The following TBCK variants were observed in gnomAD, a reference collection of about 807,000 sequenced individuals.
The protein encoded by TBCK is TBC domain-containing protein kinase-like protein.
In TBCK, 99 loss-of-function variants were observed where a neutral mutation model predicts 113.4. That is an observed-to-expected ratio of 0.87 (90% CI 0.74 to 1.03). TBCK has a LOEUF of 1.03. Among genes scored for constraint, TBCK ranks in the 50% least tolerant of loss-of-function variants. TBCK has a pLI of 0.00. For synonymous variants in TBCK, 369 were observed against 370.8 expected (o/e 1.00, Z 0.05); for missense variants, 1,045 against 1,061.3 (o/e 0.98, Z 0.21).
At chr4:106,229,399 A>G (rs1758603969) in intron 19 of TBCK, among the ~76,000 whole-genome samples, 1 of 151,874 alleles carries the variant, frequency 6.6e-6, no homozygotes, top group Middle Eastern at 3.4e-3. Context: ...AAGACTTTAA[A>G]CCATTTTGAT....
intron 25 of TBCK, among the ~76,000 whole-genome samples, chr4:106,085,141 C>A (rs1036679294): frequency 1.3e-5 from 2 of 152,118 alleles, no homozygotes; most frequent in Admixed American, 1.3e-4. Context: ...AATTAAAAGA[C>A]ACAGACTGGC....
At chr4:106,270,266 G>A (rs185867682) in intron 3 of TBCK, among the ~76,000 whole-genome samples, 98 of 152,260 alleles carry the variant, frequency 6.4e-4, no homozygotes, top group Non-Finnish European at 2.5e-4. Context: ...TTCTCTGTGA[G>A]AATAAAATCA....
chr4:106,164,870 A>T lies in TBCK; in HGVS notation c.2235+6225T>A, dbSNP rs532554805. On this transcript the variant is annotated intron_variant, in intron 23 of 25. Transcript: ENST00000394708. ...GTGCTTTAAATAAGATTTTATCTAC[A>T]GTAAACTCATGTTTAATCTATACTG... Among the ~76,000 whole-genome samples, 6 of 151,936 alleles carry T rather than the reference A, an allele frequency of 3.9e-5. No individual in the cohort carries two copies. The East Asian group carries it at 9.7e-4, about 25-fold the overall frequency.
Position 106,046,687 on chromosome 4 carries a change from A to G in TBCK, c.2572-7T>C, listed in dbSNP as rs756865172. ...TCACAAGGTGAGCTGCAAACTGGAA[A>G]AAAAAAGAGGCAAAATTTTTAGAGG... is the stretch of plus-strand genomic sequence containing the variant. On this transcript the variant is annotated splice_region_variant and splice_polypyrimidine_tract_variant and intron_variant, in intron 25 of 25. Coordinates refer to ENST00000394708, the MANE Select transcript of TBCK (RefSeq NM_001163435.3). The G allele has an allele frequency of 5.8e-6, 9 of 1,561,556 alleles. No individual in the cohort carries two copies. In the Admixed American group the frequency reaches 1.2e-4, roughly 21 times the overall value.
intron 23 of TBCK, among the ~76,000 whole-genome samples, chr4:106,165,077 T>C (rs1448861080): frequency 1.3e-5 from 2 of 151,770 alleles, no homozygotes; most frequent in African/African-American, 4.8e-5. Flanking sequence ...ATTTACATAC[T>C]GCATGTAAGT....
At chr4:106,245,983 T>A (rs919683244) in intron 10 of TBCK, among the ~76,000 whole-genome samples, 1 of 152,028 alleles carries the variant, frequency 6.6e-6, no homozygotes, top group Non-Finnish European at 1.5e-5. Flanking sequence ...AATGAATACA[T>A]AGTATTGGAA....
intron 25 of TBCK, among the ~76,000 whole-genome samples, chr4:106,082,273 C>G (rs1738967387): frequency 6.6e-6 from 1 of 152,144 alleles, no homozygotes; most frequent in Non-Finnish European, 1.5e-5. Flanking sequence ...AGAATGAAGT[C>G]ATATCTTTTG....
At chr4:106,099,811 T>C (rs1462033444) in intron 24 of TBCK, among the ~76,000 whole-genome samples, 1 of 152,200 alleles carries the variant, frequency 6.6e-6, no homozygotes, top group African/African-American at 2.4e-5. Context: ...AACTTTTGTC[T>C]TTTCTCTTGG....
intron 22 of TBCK, among the ~76,000 whole-genome samples, chr4:106,189,914 C>T (rs1753473778): frequency 6.6e-6 from 1 of 152,012 alleles, no homozygotes; most frequent in Non-Finnish European, 1.5e-5. Context: ...GCATTTTATT[C>T]CCTCTGTCTA....
intron 24 of TBCK, among the ~76,000 whole-genome samples, chr4:106,099,807 T>G (rs1454928723): frequency 6.6e-6 from 1 of 152,190 alleles, no homozygotes; most frequent in Non-Finnish European, 1.5e-5. Flanking sequence ...CTCCAACTTT[T>G]GTCTTTTCTC....
intron 23 of TBCK, among the ~76,000 whole-genome samples, chr4:106,124,596 C>T (rs928085760): frequency 2.6e-5 from 4 of 152,062 alleles, no homozygotes; most frequent in South Asian, 2.1e-4. Context: ...GACTTGGAGC[C>T]AACCCAAATG....
intron 3 of TBCK, among the ~76,000 whole-genome samples, chr4:106,275,297 T>C (rs937661848): frequency 1.3e-5 from 2 of 152,160 alleles, no homozygotes; most frequent in African/African-American, 2.4e-5. Context: ...ATAAAAGGCA[T>C]ATATAAAAAC....
At chr4:106,188,522 T>C (rs1753295694) in intron 22 of TBCK, among the ~76,000 whole-genome samples, 1 of 152,150 alleles carries the variant, frequency 6.6e-6, no homozygotes, top group African/African-American at 2.4e-5. Flanking sequence ...AGATAATTTT[T>C]GGACTGCTCA....
At chr4:106,114,879 T>C (rs529335544) in intron 24 of TBCK, among the ~76,000 whole-genome samples, 2 of 152,292 alleles carry the variant, frequency 1.3e-5, no homozygotes, top group South Asian at 2.1e-4. Flanking sequence ...ACCAGTTAAA[T>C]AGAATTTAAT....
intron 25 of TBCK, among the ~76,000 whole-genome samples, chr4:106,088,808 C>T (rs1477453714): frequency 6.6e-6 from 1 of 152,126 alleles, no homozygotes; most frequent in Non-Finnish European, 1.5e-5. Flanking sequence ...AGCCATCATC[C>T]TCAGCAAACT....
At chr4:106,196,635 A>G (rs971398428) in intron 20 of TBCK, among the ~76,000 whole-genome samples, 1 of 152,062 alleles carries the variant, frequency 6.6e-6, no homozygotes, top group Non-Finnish European at 1.5e-5. Context: ...ATTTAGATAC[A>G]TTTTTCTAGG....
rs558221295 is a variant in TBCK at position 106,285,368 on chromosome 4, C to G, written c.266+9726G>C. Among the ~76,000 whole-genome samples the G allele has an allele frequency of 9.9e-5, 15 of 152,140 alleles. No individual in the cohort carries two copies. In the South Asian group the frequency reaches 2.5e-3, roughly 25 times the overall value. ...AGAACGTTTGATTTTCTAGTGAGAT[C>G]TGGAGCTTCACGATAGGCTTAAATT... On this transcript the variant is annotated intron_variant, in intron 3 of 25. Transcript: ENST00000394708.
chr4:106,278,558 C>CAA (rs376599844), intron 3 of TBCK, among the ~76,000 whole-genome samples: 1,533 of 22,082 alleles, frequency 0.069, 276 homozygotes, highest in East Asian at 0.3. Flanking sequence ...AACTCTGTCT[C>CAA]AAAAAAAAAA....
intron 3 of TBCK, among the ~76,000 whole-genome samples, chr4:106,294,626 T>C (rs1766085417): frequency 1.3e-5 from 2 of 151,892 alleles, no homozygotes; most frequent in Non-Finnish European, 2.9e-5. Context: ...GGACTACAGG[T>C]GCCCACCACC....
Sources: gnomAD v4.1 joint callset for allele counts (sites outside exome capture counted in the v4.1 genomes callset) on GRCh38, gnomAD v4.1.1 for gene constraint, MANE v1.5 for transcripts, NCBI Gene and HGNC (gene_info 2026-07-23, HGNC 2026-07-21) for gene names.